Variants in AGBL1 observed in about 807,000 individuals in gnomAD.
AGBL1 encodes the protein AGBL carboxypeptidase 1, also known as cytosolic carboxypeptidase 4.
In AGBL1, 130 loss-of-function variants were observed where a neutral mutation model predicts 118.9. That is an observed-to-expected ratio of 1.09 (90% CI 0.95 to 1.26). AGBL1 has a LOEUF of 1.26. Ranked by LOEUF, AGBL1 falls within the 50% of genes most tolerant of loss-of-function variation. The pLI is 0.00. For missense variants in AGBL1, 1,584 were observed against 1,298.1 expected (o/e 1.22, Z -3.38); for synonymous variants, 555 against 478.9 (o/e 1.16, Z -2.08).
At chr15:86,093,999 A>T (rs543469300) in intron 1 of AGBL1, among the ~76,000 whole-genome samples, 8 of 152,184 alleles carry the variant, frequency 5.3e-5, no homozygotes, top group Non-Finnish European at 1.2e-4. Flanking sequence ...TTACATTCTA[A>T]TCTAGTATTG....
chr15:86,102,894 T>C (rs1896819195), intron 1 of AGBL1, among the ~76,000 whole-genome samples: 2 of 151,838 alleles, frequency 1.3e-5, no homozygotes, highest in Admixed American at 1.3e-4. Context: ...TTCTATTGTC[T>C]TTCTATTTTT....
intron 20 of AGBL1, among the ~76,000 whole-genome samples, chr15:86,550,004 A>G (rs951899414): frequency 7.2e-5 from 11 of 152,104 alleles, no homozygotes; most frequent in African/African-American, 2.7e-4. Flanking sequence ...ATGGCAAGAT[A>G]GTAGAGAATG....
intron 23 of AGBL1, among the ~76,000 whole-genome samples, chr15:86,958,148 T>A (rs1567259082): frequency 6.7e-6 from 1 of 149,598 alleles, no homozygotes; most frequent in African/African-American, 2.5e-5. Context: ...GAGGCTGCAG[T>A]AAGCTATGAT....
intron 22 of AGBL1, among the ~76,000 whole-genome samples, chr15:86,758,837 G>T (rs927793698): frequency 6.6e-6 from 1 of 151,694 alleles, no homozygotes; most frequent in African/African-American, 2.4e-5. Flanking sequence ...ACTGGGCATG[G>T]TGGTACATGC....
chr15:86,451,166 A>G (rs752814395), intron 18 of AGBL1, among the ~76,000 whole-genome samples: 9 of 152,108 alleles, frequency 5.9e-5, no homozygotes, highest in Admixed American at 3.9e-4. Context: ...CTGGTTAGAC[A>G]CTTTCTTTCC....
intron 24 of AGBL1, among the ~76,000 whole-genome samples, chr15:86,991,200 T>A (rs2081332983): frequency 6.6e-6 from 1 of 152,202 alleles, no homozygotes; most frequent in South Asian, 2.1e-4. Flanking sequence ...CTCTGGCAAA[T>A]GATACAAAAG....
intron 21 of AGBL1, among the ~76,000 whole-genome samples, chr15:86,650,154 C>T (rs2085346542): frequency 6.6e-6 from 1 of 152,168 alleles, no homozygotes; most frequent in South Asian, 2.1e-4. Context: ...AGCAGTTTTT[C>T]TAAAATACTC....
At chr15:86,864,171 A>T (rs372958371) in intron 22 of AGBL1, among the ~76,000 whole-genome samples, 26 of 152,154 alleles carry the variant, frequency 1.7e-4, no homozygotes, top group African/African-American at 6.3e-4. Context: ...AAGAAGGCAT[A>T]CTTGCTCCCT....
chr15:86,961,770 C>T (rs2080995507), intron 23 of AGBL1, among the ~76,000 whole-genome samples: 1 of 152,100 alleles, frequency 6.6e-6, no homozygotes, highest in Admixed American at 6.6e-5. Context: ...GATTCCCTAG[C>T]TCTAGAGCAC....
At chr15:86,999,498 T>C (rs2081413868) in intron 24 of AGBL1, among the ~76,000 whole-genome samples, 1 of 136,422 alleles carries the variant, frequency 7.3e-6, no homozygotes, top group African/African-American at 2.9e-5. Flanking sequence ...TGTGATACTT[T>C]AGTTTACTGA....
chr15:86,696,456 T>C (rs527698143), intron 22 of AGBL1, among the ~76,000 whole-genome samples: 2 of 152,020 alleles, frequency 1.3e-5, no homozygotes, highest in South Asian at 4.2e-4. Flanking sequence ...CCTTTTTACC[T>C]TAAGTCTATA....
At chr15:86,957,072 G>A (rs1337507286) in intron 23 of AGBL1, among the ~76,000 whole-genome samples, 1 of 152,106 alleles carries the variant, frequency 6.6e-6, no homozygotes, top group Admixed American at 6.6e-5. Flanking sequence ...TGATGATAAG[G>A]GCAATCAATC....
chr15:86,743,531 G>T lies in AGBL1; in HGVS notation c.3158+69095G>T, dbSNP rs1489806584. Among the ~76,000 whole-genome samples the T allele has an allele frequency of 2.6e-5, 4 of 151,978 alleles. No homozygotes were observed. In the East Asian group the frequency reaches 7.7e-4, roughly 29 times the overall value. ...GAAGGTTGTGGCCATAGTGCATGTG[G>T]GATCTTCACTTACATACACTGGGGA... On this transcript the variant is annotated intron_variant, in intron 22 of 22. Transcript: ENST00000614907.
At chr15:86,900,464 T>A (rs201230765) in intron 22 of AGBL1, among the ~76,000 whole-genome samples, 1 of 152,088 alleles carries the variant, frequency 6.6e-6, no homozygotes, top group African/African-American at 2.4e-5. Flanking sequence ...GGGAAAATAA[T>A]TTATCCATTC....
At chr15:86,149,256 G>A (rs962254115) in intron 3 of AGBL1, among the ~76,000 whole-genome samples, 10 of 152,090 alleles carry the variant, frequency 6.6e-5, no homozygotes, top group African/African-American at 2.2e-4. Flanking sequence ...GATAACGACA[G>A]GATCAAATTT....
At chr15:86,448,754 T>C (rs2082157864) in intron 18 of AGBL1, among the ~76,000 whole-genome samples, 1 of 152,086 alleles carries the variant, frequency 6.6e-6, no homozygotes, top group African/African-American at 2.4e-5. Flanking sequence ...TGATTGGTTA[T>C]GGAGGATAAA....
At chr15:86,989,722 A>G (rs1487751613) in intron 24 of AGBL1, among the ~76,000 whole-genome samples, 3 of 152,232 alleles carry the variant, frequency 2.0e-5, no homozygotes, top group Non-Finnish European at 4.4e-5. Context: ...TAAAAATGGA[A>G]CAAGATAGAG....
intron 23 of AGBL1, among the ~76,000 whole-genome samples, chr15:86,927,551 C>T (rs946719170): frequency 3.9e-5 from 6 of 152,124 alleles, no homozygotes; most frequent in Admixed American, 2.6e-4. Flanking sequence ...CATACTACTG[C>T]ACTCCAACCT....
chr15:86,994,628 A>C (rs2081364073), intron 24 of AGBL1, among the ~76,000 whole-genome samples: 1 of 152,212 alleles, frequency 6.6e-6, no homozygotes, highest in Non-Finnish European at 1.5e-5. Flanking sequence ...TTGCTTCTTT[A>C]TCATAAAAGA....
Sources: gnomAD v4.1 joint callset for allele counts (sites outside exome capture counted in the v4.1 genomes callset) on GRCh38, gnomAD v4.1.1 for gene constraint, MANE v1.5 for transcripts, NCBI Gene and HGNC (gene_info 2026-07-23, HGNC 2026-07-21) for gene names.